Variants in HDGFL2 observed in about 807,000 individuals in gnomAD.
HDGFL2 encodes the protein hepatoma-derived growth factor-related protein 2.
A neutral mutation model predicts 77.1 loss-of-function variants in HDGFL2; 36 were observed. The ratio of observed to expected loss-of-function variants is 0.47; its 90% CI spans 0.36 to 0.62. The LOEUF (loss-of-function observed/expected upper bound fraction) is 0.62, where lower values mean the gene tolerates loss of function less well. Ranked by LOEUF, HDGFL2 falls within the 20% of genes least tolerant of loss-of-function variation. The pLI is 0.00. For missense variants in HDGFL2, 976 were observed against 973.4 expected (o/e 1.00, Z -0.04); for synonymous variants, 463 against 413.1 (o/e 1.12, Z -1.46).
intron 3 of HDGFL2, among the ~76,000 whole-genome samples, chr19:4,479,611 G>T (rs532701492): frequency 7.9e-4 from 109 of 137,252 alleles, no homozygotes; most frequent in African/African-American, 2.8e-3. Context: ...AAGAAACCCC[G>T]CCTCTACCCA....
chr19:4,495,418 G>C (rs1004509119), intron 9 of HDGFL2, among the ~76,000 whole-genome samples: 1 of 139,380 alleles, frequency 7.2e-6, no homozygotes, highest in African/African-American at 2.6e-5. Flanking sequence ...AATAGGCTCC[G>C]AATGAAGGGA....
At chr19:4,492,623 GGT>G (rs1298985417) in intron 6 of HDGFL2, among the ~76,000 whole-genome samples, 1 of 151,008 alleles carries the variant, frequency 6.6e-6, no homozygotes, top group African/African-American at 2.4e-5. Context: ...ATCTGTGTAT[GGT>G]GTGTGTTTTG....
chr19:4,474,994 CT>C (rs1378803818), intron 1 of HDGFL2: 1 of 421,874 alleles, frequency 2.4e-6, no homozygotes, highest in Non-Finnish European at 4.3e-6. Flanking sequence ...GCCCCACCCC[CT>C]GGTTGCTTCA....
In HDGFL2 at chr19:4,488,736, G is replaced by A. The variant is rs1215828097; in HGVS notation, c.349G>A (p.Asp117Asn). ...CAACCCCGCCGACGGCAGTGACGCT[G>A]ACGAGGACGATGAGGACCGGGGGGT... ...EANPADGSDA[D>N]EDDEDRGVMA... The change falls in exon 4 of 16, where the codon GAC becomes AAC. Residue 117 changes from aspartate (D) to asparagine (N), a missense_variant. Asp to Asn is a conservative substitution (Grantham distance 23). Transcript: ENST00000616600. 1 of 1,553,794 alleles carries A rather than the reference G, an allele frequency of 6.4e-7. No individual in the cohort carries two copies. The highest frequency in any genetic ancestry group is 2.4e-5 in the East Asian group (1 of 41,328).
Position 4,493,781 on chromosome 19 carries a change from TC to T in HDGFL2, c.758del (p.Ser253TrpfsTer18). The part of the protein sequence containing the change: ...AKPEPVAMAR[S>X]ASSSSSSSSS... ...GCCTGAGCCGGTGGCCATGGCGCGG[TC>T]GGCGTCCTCCTCCTCCTCTTCCTCC... On this transcript the variant is annotated frameshift_variant, in exon 7 of 16. Transcript: ENST00000616600. LOFTEE classifies it high-confidence loss of function. The T allele has an allele frequency of 6.5e-7, 1 of 1,543,834 alleles. No homozygotes were observed. The highest frequency in any genetic ancestry group is 2.5e-5 in the East Asian group (1 of 40,584).
intron 4 of HDGFL2, among the ~76,000 whole-genome samples, chr19:4,491,249 A>AC (rs1975499381): frequency 5.1e-5 from 2 of 39,472 alleles, no homozygotes; most frequent in African/African-American, 1.0e-4. Context: ...CACTCCCACC[A>AC]CCCACCCCCC....
chr19:4,501,950 C>T lies in HDGFL2; in HGVS notation c.1956C>T (p.Ser652=), dbSNP rs574663939. ...REGPDLDRPG[S]DRQERERARG... ...GTCCCGACCTGGACAGGCCTGGGAG[C>T]GACCGGCAGGAGCGCGAGAGGGCAC... The change falls in exon 16 of 16, where the codon AGC becomes AGT. Residue 652 remains serine, a synonymous_variant. Transcript: ENST00000616600. 21 of 1,499,238 alleles carry T rather than the reference C, an allele frequency of 1.4e-5. No homozygotes were observed. The highest frequency in any genetic ancestry group is 5.3e-5 in the Admixed American group (2 of 38,002). The allele number at this position is 1,499,238 out of a possible 1,614,324, so 92.9% of individuals were successfully genotyped here.
At chr19:4,475,413 A>C (rs1329558833) in intron 2 of HDGFL2, 32 bp from the exon 3 acceptor site, 1 of 1,613,274 alleles carries the variant, frequency 6.2e-7, no homozygotes, top group Admixed American at 1.7e-5. Flanking sequence ...GGCCTCACTC[A>C]CCTGGGACTG....
At chr19:4,475,199 A>G in intron 1 of HDGFL2, 76 bp from the exon 2 acceptor site, 1 of 1,338,084 alleles carries the variant, frequency 7.5e-7, no homozygotes, top group Non-Finnish European at 1.1e-6. Flanking sequence ...GATTTGCCCC[A>G]AGTAACTTGG....
At chr19:4,472,680 G>T (rs1974973060) in intron 1 of HDGFL2, among the ~76,000 whole-genome samples, 1 of 150,234 alleles carries the variant, frequency 6.7e-6, no homozygotes, top group East Asian at 2.0e-4. Flanking sequence ...GCGCCCCGGG[G>T]TCTAGGGATC....
chr19:4,477,829 C>T (rs1457623876), intron 3 of HDGFL2, among the ~76,000 whole-genome samples: 1 of 151,994 alleles, frequency 6.6e-6, no homozygotes. Flanking sequence ...CACCTGTAAT[C>T]CCAGCACTTT....
chr19:4,494,433 GTCC>G lies in HDGFL2; in HGVS notation c.1188_1190del (p.Ser397del). On this transcript the variant is annotated inframe_deletion, in exon 9 of 16. Coordinates refer to ENST00000616600, the MANE Select transcript of HDGFL2 (RefSeq NM_001001520.3). ...GCAAGGGCCGGGGCCGGGGTCCCCC[GTCC>G]TCCTCTGACTCCGAGCCCGAGGCCG... 18 of 1,405,590 alleles carry G rather than the reference GTCC, an allele frequency of 1.3e-5. No homozygotes were observed. The highest frequency in any genetic ancestry group is 1.7e-5 in the Non-Finnish European group (18 of 1,085,206). 87.1% of individuals were successfully genotyped at this position (1,405,590 alleles called of 1,614,324 possible).
rs1387721141 is a variant in HDGFL2, at chr19:4,472,417, G to T, written c.67G>T (p.Ala23Ser). 3.5e-6 allele frequency: 5 copies of T among 1,426,368 alleles called. No individual in the cohort carries two copies. Among genetic ancestry groups the T allele is most frequent in the Non-Finnish European group, 4.6e-6 (5 of 1,077,344 alleles). 88.4% of individuals were successfully genotyped at this position (1,426,368 alleles called of 1,614,324 possible). The change falls in exon 1 of 16, where the codon GCC becomes TCC. Residue 23 changes from alanine (A) to serine (S), a missense_variant. By Grantham distance (99) the Ala-to-Ser change is moderately conservative. Around this residue, in one of 5 missense-constraint regions of HDGFL2, gnomAD observed 103 missense variants for 145.7 expected, o/e 0.71. Coordinates refer to ENST00000616600, the MANE Select transcript of HDGFL2 (RefSeq NM_001001520.3). Reference protein sequence around the residue: ...AKMKGYPHWPARIDDIADGAV... With the variant: ...AKMKGYPHWPSRIDDIADGAV... ...GATGAAGGGCTACCCTCACTGGCCT[G>T]CCAGGGTGAGGCCGCGCGGGAGATG... is the stretch of plus-strand genomic sequence containing the variant.
At chr19:4,485,809 G>A (rs1178495170) in intron 3 of HDGFL2, among the ~76,000 whole-genome samples, 1 of 147,524 alleles carries the variant, frequency 6.8e-6, no homozygotes, top group African/African-American at 2.5e-5. Context: ...CAGCTTGGGA[G>A]GCCAAGGTGG....
intron 3 of HDGFL2, among the ~76,000 whole-genome samples, chr19:4,476,836 G>A (rs1186995464): frequency 6.6e-6 from 1 of 151,926 alleles, no homozygotes; most frequent in Admixed American, 6.6e-5. Context: ...GGGGGAACTG[G>A]GCTGGGGTTC....
At chr19:4,476,093 TGTTA>T (rs200837828) in intron 3 of HDGFL2, among the ~76,000 whole-genome samples, 3,573 of 151,472 alleles carry the variant, frequency 0.024, 139 homozygotes, top group African/African-American at 0.082. Flanking sequence ...GGTTTCACTG[TGTTA>T]GCCAGGATGG....
intron 3 of HDGFL2, among the ~76,000 whole-genome samples, chr19:4,486,141 G>A (rs1975357232): frequency 6.6e-6 from 1 of 151,854 alleles, no homozygotes; most frequent in African/African-American, 2.4e-5. Flanking sequence ...AAGAAGTGAC[G>A]GGCAATCACT....
At chr19:4,480,152 G>A (rs1354684810) in intron 3 of HDGFL2, among the ~76,000 whole-genome samples, 7 of 152,128 alleles carry the variant, frequency 4.6e-5, no homozygotes, top group Non-Finnish European at 8.8e-5. Flanking sequence ...TGACCAAAAT[G>A]TCTCTAGACA....
intron 4 of HDGFL2, among the ~76,000 whole-genome samples, chr19:4,491,262 CCCCCCCA>C (rs1975501677): frequency 2.2e-5 from 2 of 92,250 alleles, no homozygotes; most frequent in African/African-American, 8.3e-5. Flanking sequence ...CACCCCCCCA[CCCCCCCA>C]CCCCCCCACC....
Sources: allele counts gnomAD v4.1 joint callset (sites outside exome capture counted in the v4.1 genomes callset), GRCh38; gene constraint gnomAD v4.1.1; regional missense constraint gnomAD v4.1.1; transcripts MANE v1.5; gene names NCBI Gene and HGNC (gene_info 2026-07-23, HGNC 2026-07-21).